The following TAFA1 variants were observed in gnomAD, a reference collection of about 807,000 sequenced individuals.
TAFA1 encodes TAFA chemokine like family member 1.
A neutral mutation model predicts 18.5 loss-of-function variants in TAFA1; 4 were observed. The ratio of observed to expected loss-of-function variants is 0.22; its 90% CI spans 0.11 to 0.49. TAFA1 has a LOEUF of 0.49. TAFA1 is among the 20% of genes least tolerant of loss of function. TAFA1 has a pLI of 0.98. For synonymous variants in TAFA1, 56 were observed against 55.2 expected (o/e 1.01, Z -0.06); for missense variants, 147 against 169.0 (o/e 0.87, Z 0.72).
chr3:68,006,229 C>A, intron 1 of TAFA1: 1 of 161,792 alleles, frequency 6.2e-6, no homozygotes, highest in Admixed American at 6.0e-5. Context: ...AGGCTTATGT[C>A]AGACTTGCAA....
At chr3:68,420,956 AAC>A (rs1389839144) in intron 3 of TAFA1, among the ~76,000 whole-genome samples, 1 of 152,164 alleles carries the variant, frequency 6.6e-6, no homozygotes, top group African/African-American at 2.4e-5. Context: ...TATAAAACAA[AAC>A]CATGATGGTT....
At chr3:68,205,447 T>C (rs2066515183) in intron 2 of TAFA1, among the ~76,000 whole-genome samples, 1 of 151,900 alleles carries the variant, frequency 6.6e-6, no homozygotes, top group Admixed American at 6.6e-5. Flanking sequence ...ATCAGGACTC[T>C]GTGACCCTAA....
chr3:68,532,915 G>A (rs963598355), intron 3 of TAFA1, among the ~76,000 whole-genome samples: 1 of 147,254 alleles, frequency 6.8e-6, no homozygotes, highest in Non-Finnish European at 1.5e-5. Context: ...AATAATAAAA[G>A]TCTGACATAG....
intron 2 of TAFA1, among the ~76,000 whole-genome samples, chr3:68,361,600 C>G (rs779737304): frequency 6.6e-6 from 1 of 151,462 alleles, no homozygotes; most frequent in Non-Finnish European, 1.5e-5. Context: ...ACATGTCCCC[C>G]CTAAGTGTGT....
At chr3:68,009,979 G>T (rs1191712402) in intron 2 of TAFA1, among the ~76,000 whole-genome samples, 1 of 152,116 alleles carries the variant, frequency 6.6e-6, no homozygotes, top group Non-Finnish European at 1.5e-5. Context: ...TTCTCAAATC[G>T]GTTAAAACAA....
At position 68,362,885 on chromosome 3, in the gene TAFA1, T is replaced by G. The variant is rs749245587; in HGVS notation, c.119-54395T>G. Among the ~76,000 whole-genome samples the G allele has an allele frequency of 2.0e-5, 3 of 150,278 alleles. No individual in the cohort carries two copies. The South Asian group carries it at 6.3e-4, about 32-fold the overall frequency. On this transcript the variant is annotated intron_variant, in intron 2 of 4. Coordinates refer to ENST00000478136, the MANE Select transcript of TAFA1 (RefSeq NM_213609.4). ...GCATGTCATAGTACATAACGAGTAATAGAATGAGAATATAAACAGTTTTAA... is the reference window on the plus strand; with the variant it reads ...GCATGTCATAGTACATAACGAGTAAGAGAATGAGAATATAAACAGTTTTAA...
intron 2 of TAFA1, among the ~76,000 whole-genome samples, chr3:68,140,096 A>C (rs1167309302): frequency 6.6e-6 from 1 of 152,196 alleles, no homozygotes; most frequent in African/African-American, 2.4e-5. Context: ...ACTGCAGTGA[A>C]GAATACATAG....
chr3:68,024,305 A>T (rs1419081562), intron 2 of TAFA1, among the ~76,000 whole-genome samples: 1 of 152,124 alleles, frequency 6.6e-6, no homozygotes, highest in Non-Finnish European at 1.5e-5. Flanking sequence ...GGAAGAAAAA[A>T]ATTAATGAAG....
At chr3:68,334,637 TG>T (rs1347728896) in intron 2 of TAFA1, among the ~76,000 whole-genome samples, 2 of 152,140 alleles carry the variant, frequency 1.3e-5, no homozygotes, top group Non-Finnish European at 2.9e-5. Flanking sequence ...CTGATACCAG[TG>T]CTGCTTGATC....
intron 2 of TAFA1, among the ~76,000 whole-genome samples, chr3:68,010,995 G>A (rs933993354): frequency 6.6e-6 from 1 of 151,892 alleles, no homozygotes; most frequent in Admixed American, 6.6e-5. Flanking sequence ...AGGTTTTTTT[G>A]TGTAACAGGT....
chr3:68,515,158 G>C (rs1877347), intron 3 of TAFA1, among the ~76,000 whole-genome samples: 121,654 of 152,018 alleles, frequency 0.8, 48,765 homozygotes, highest in East Asian at 0.89. Context: ...GTATGGTAGT[G>C]TCAGGGCTGT....
At chr3:68,292,108 G>A (rs2068119256) in intron 2 of TAFA1, among the ~76,000 whole-genome samples, 1 of 151,990 alleles carries the variant, frequency 6.6e-6, no homozygotes, top group African/African-American at 2.4e-5. Flanking sequence ...CATCAATTAT[G>A]CTTTTCCCCT....
intron 2 of TAFA1, among the ~76,000 whole-genome samples, chr3:68,134,079 A>C (rs1007243557): frequency 2.3e-5 from 3 of 129,074 alleles, no homozygotes; most frequent in Admixed American, 8.9e-5. Context: ...AAAAAAAAAA[A>C]AAAACAATGA....
intron 2 of TAFA1, among the ~76,000 whole-genome samples, chr3:68,279,504 A>G (rs148603672): frequency 6.6e-6 from 1 of 152,202 alleles, no homozygotes; most frequent in Non-Finnish European, 1.5e-5. Flanking sequence ...AATTAGGGAC[A>G]GATTCTACTT....
At chr3:68,365,648 A>G (rs1210566462) in intron 2 of TAFA1, among the ~76,000 whole-genome samples, 2 of 152,196 alleles carry the variant, frequency 1.3e-5, no homozygotes, top group Non-Finnish European at 2.9e-5. Context: ...AGACTGGGTA[A>G]TTGATAAAGA....
intron 2 of TAFA1, among the ~76,000 whole-genome samples, chr3:68,039,668 GA>G (rs1347364198): frequency 2.0e-5 from 3 of 152,128 alleles, no homozygotes; most frequent in African/African-American, 7.2e-5. Context: ...TGCAGACCTT[GA>G]AACAAGGATT....
chr3:68,108,251 G>A (rs1277628409), intron 2 of TAFA1, among the ~76,000 whole-genome samples: 1 of 152,070 alleles, frequency 6.6e-6, no homozygotes, highest in African/African-American at 2.4e-5. Context: ...GATAAGAGCT[G>A]TGAGAGCTCC....
intron 2 of TAFA1, among the ~76,000 whole-genome samples, chr3:68,151,974 G>A (rs916365826): frequency 5.3e-5 from 8 of 152,122 alleles, no homozygotes; most frequent in Non-Finnish European, 8.8e-5. Context: ...ATTTAATGGA[G>A]TTTTACTACA....
At chr3:68,385,792 C>A (rs1436661513) in intron 2 of TAFA1, among the ~76,000 whole-genome samples, 1 of 151,744 alleles carries the variant, frequency 6.6e-6, no homozygotes, top group Non-Finnish European at 1.5e-5. Flanking sequence ...TTTGTCTTTT[C>A]AAATTTTTTT....
Sources: allele counts gnomAD v4.1 joint callset (sites outside exome capture counted in the v4.1 genomes callset), GRCh38; gene constraint gnomAD v4.1.1; transcripts MANE v1.5; gene names NCBI Gene and HGNC (gene_info 2026-07-23, HGNC 2026-07-21).